The following ZRANB3 variants were observed in gnomAD, a reference collection of about 807,000 sequenced individuals.
ZRANB3 encodes zinc finger RANBP2-type containing 3, also known as DNA annealing helicase and endonuclease ZRANB3.
Under a neutral mutation model 133.8 loss-of-function variants are expected in ZRANB3, and 125 were observed. The observed-to-expected ratio is 0.93, with a 90% CI of 0.81 to 1.08. The LOEUF is 1.08. Among genes scored for constraint, ZRANB3 ranks in the 50% least tolerant of loss-of-function variants. The pLI is 0.00. For missense variants in ZRANB3, 1,229 were observed against 1,275.5 expected (o/e 0.96, Z 0.56); for synonymous variants, 387 against 432.7 (o/e 0.89, Z 1.31).
chr2:135,438,499 C>A (rs1689643069), intron 2 of ZRANB3, among the ~76,000 whole-genome samples: 6 of 144,580 alleles, frequency 4.1e-5, no homozygotes, highest in Admixed American at 4.1e-4. Flanking sequence ...GAGCAAAACC[C>A]CGTCTCAAAA....
At chr2:135,480,518 T>C (rs905882249) in intron 2 of ZRANB3, among the ~76,000 whole-genome samples, 1 of 152,176 alleles carries the variant, frequency 6.6e-6, no homozygotes, top group Non-Finnish European at 1.5e-5. Flanking sequence ...TAGGTTGTCA[T>C]CAAGTGATAC....
At chr2:135,313,370 AGAGTT>A in intron 8 of ZRANB3, 114 bp downstream of exon 8, 2 of 614,924 alleles carry the variant, frequency 3.3e-6, no homozygotes. Context: ...AAAAAAAAAA[AGAGTT>A]AAACAATAGC....
intron 2 of ZRANB3, among the ~76,000 whole-genome samples, chr2:135,477,503 C>A (rs1691556857): frequency 6.6e-6 from 1 of 152,200 alleles, no homozygotes; most frequent in African/African-American, 2.4e-5. Context: ...CCAAGGCCCA[C>A]TGGGCTATAC....
At chr2:135,264,448 G>A (rs1462448783) in intron 12 of ZRANB3, among the ~76,000 whole-genome samples, 1 of 142,636 alleles carries the variant, frequency 7.0e-6, no homozygotes, top group Non-Finnish European at 1.5e-5. Flanking sequence ...CCCAGCCAGG[G>A]CAATAGTGCA....
intron 2 of ZRANB3, among the ~76,000 whole-genome samples, chr2:135,427,605 T>C (rs1689149973): frequency 6.6e-6 from 1 of 152,164 alleles, no homozygotes; most frequent in Admixed American, 6.5e-5. Flanking sequence ...TGAATCAATA[T>C]TGTAAAACAG....
chr2:135,481,844 T>C (rs1425738294), intron 2 of ZRANB3, among the ~76,000 whole-genome samples: 1 of 150,938 alleles, frequency 6.6e-6, no homozygotes, highest in East Asian at 1.9e-4. Context: ...GGCTAGCTAG[T>C]TTTCCCAGCA....
rs541441560 is a variant in ZRANB3, at chr2:135,382,566, G to A, written c.180+8236C>T. Among the ~76,000 whole-genome samples, 356 of 152,008 alleles carry A rather than the reference G, an allele frequency of 2.3e-3. 1 individual carries two copies. Among genetic ancestry groups the A allele is most frequent in the African/African-American group, 8.4e-3 (349 of 41,508 alleles). On this transcript the variant is annotated intron_variant, in intron 3 of 20. Transcript: ENST00000264159. ...TCAGATTCACCAAAGTTGAAATGAA[G>A]GAAATGTTAAGGGCAGCCAGAGAGA...
At chr2:135,384,362 A>T (rs562261251) in intron 3 of ZRANB3, among the ~76,000 whole-genome samples, 1 of 152,350 alleles carries the variant, frequency 6.6e-6, no homozygotes, top group East Asian at 1.9e-4. Flanking sequence ...ATAGATTAAC[A>T]ACCAAAAAAA....
intron 2 of ZRANB3, among the ~76,000 whole-genome samples, chr2:135,478,778 T>C (rs1436581280): frequency 1.3e-5 from 2 of 152,042 alleles, no homozygotes; most frequent in Non-Finnish European, 2.9e-5. Flanking sequence ...CTGCTATTCC[T>C]AACTATTATG....
chr2:135,299,334 GC>G lies in ZRANB3; in HGVS notation c.966+14154del, dbSNP rs1682320818. Among the ~76,000 whole-genome samples, 2 of 152,140 alleles carry G rather than the reference GC, an allele frequency of 1.3e-5. 1 individual carries two copies. Among genetic ancestry groups the G allele is most frequent in the East Asian group, 3.9e-4 (2 of 5,186 alleles). ...ATCCAGCTCCCAGGCAGCCAGCAAG[GC>G]CAGTCTCACTCCCACTGTGCTCCAC... On this transcript the variant is annotated intron_variant, in intron 8 of 20. Coordinates refer to ENST00000264159, the MANE Select transcript of ZRANB3 (RefSeq NM_032143.4).
intron 8 of ZRANB3, 52 bp from the exon 9 acceptor site, chr2:135,275,807 A>G: frequency 7.4e-7 from 1 of 1,358,088 alleles, no homozygotes; most frequent in Non-Finnish European, 9.7e-7. Flanking sequence ...ATTATTTAAA[A>G]TTTATGTCAC....
At chr2:135,223,419 A>C (rs906367586) in intron 15 of ZRANB3, among the ~76,000 whole-genome samples, 1 of 149,948 alleles carries the variant, frequency 6.7e-6, no homozygotes, top group African/African-American at 2.4e-5. Flanking sequence ...TCTGCCTCCC[A>C]GGTTCAAGCG....
intron 2 of ZRANB3, among the ~76,000 whole-genome samples, chr2:135,397,480 A>T (rs952288701): frequency 3.3e-5 from 5 of 152,080 alleles, no homozygotes; most frequent in African/African-American, 1.2e-4. Flanking sequence ...AAGAAAAGAA[A>T]AACCTTTTAT....
intron 2 of ZRANB3, among the ~76,000 whole-genome samples, chr2:135,393,184 CA>C (rs1687321725): frequency 6.6e-6 from 1 of 151,796 alleles, no homozygotes; most frequent in Non-Finnish European, 1.5e-5. Flanking sequence ...AATATCTTTA[CA>C]AAAAATAAAA....
intron 2 of ZRANB3, among the ~76,000 whole-genome samples, chr2:135,411,888 T>C (rs1037538119): frequency 6.6e-6 from 1 of 152,100 alleles, no homozygotes; most frequent in African/African-American, 2.4e-5. Context: ...ACCAAACCCA[T>C]ACATGTACCC....
chr2:135,393,396 CTAAA>C (rs1177828384), intron 2 of ZRANB3, among the ~76,000 whole-genome samples: 4 of 150,574 alleles, frequency 2.7e-5, no homozygotes, highest in Non-Finnish European at 5.9e-5. Context: ...TTATTGACAG[CTAAA>C]TAAATAGACT....
In ZRANB3 at chr2:135,485,191, AACAT is replaced by A. The variant is rs1396091113; in HGVS notation, c.161+19134_161+19137del. Among the ~76,000 whole-genome samples the A allele has an allele frequency of 3.5e-4, 51 of 144,562 alleles. 1 individual carries two copies. The East Asian group carries it at 9.7e-3, about 27-fold the overall frequency. 94.8% of individuals were successfully genotyped at this position (144,562 alleles called of 152,430 possible). On this transcript the variant is annotated intron_variant, in intron 2 of 20. Coordinates refer to ENST00000264159, the MANE Select transcript of ZRANB3 (RefSeq NM_032143.4). ...AACAAAACAAAACAAAACAAAACAT[AACAT>A]AACATAACATAACATAACAGCCAAA...
intron 3 of ZRANB3, among the ~76,000 whole-genome samples, chr2:135,369,457 C>T (rs558356694): frequency 6.6e-6 from 1 of 152,214 alleles, no homozygotes; most frequent in Non-Finnish European, 1.5e-5. Flanking sequence ...CTACTGAAAA[C>T]TTCTGAACCA....
At chr2:135,388,744 C>T in intron 3 of ZRANB3, among the ~76,000 whole-genome samples, 1 of 152,220 alleles carries the variant, frequency 6.6e-6, no homozygotes, top group African/African-American at 2.4e-5. Flanking sequence ...GTCATTTGGA[C>T]TCTCAAATTA....
Sources: allele counts gnomAD v4.1 joint callset (sites outside exome capture counted in the v4.1 genomes callset), GRCh38; gene constraint gnomAD v4.1.1; transcripts MANE v1.5; gene names NCBI Gene and HGNC (gene_info 2026-07-23, HGNC 2026-07-21).